Variants in CELF2 observed in about 807,000 individuals in gnomAD.
CELF2 encodes CUG triplet repeat RNA-binding protein 2.
Under a neutral mutation model 62.6 loss-of-function variants are expected in CELF2, and 8 were observed. That is an observed-to-expected ratio of 0.13 (90% confidence interval 0.07 to 0.23). CELF2 has a LOEUF of 0.23. Ranked by LOEUF, CELF2 falls within the 10% of genes least tolerant of loss-of-function variation. The pLI, the probability that CELF2 is intolerant of heterozygous loss-of-function variation, is 1.00. For synonymous variants in CELF2, 258 were observed against 250.0 expected (o/e 1.03, Z -0.30); for missense variants, 333 against 671.0 (o/e 0.50, Z 5.56).
intron 2 of CELF2, among the ~76,000 whole-genome samples, chr10:11,169,515 C>T (rs1404556183): frequency 6.6e-6 from 1 of 152,118 alleles, no homozygotes; most frequent in Non-Finnish European, 1.5e-5. Context: ...TTTCTGGGAA[C>T]TGTGAATTCT....
At chr10:10,469,141 C>A in the CELF2 span, among the ~76,000 whole-genome samples, 3 of 151,834 alleles carry the variant, frequency 2.0e-5, no homozygotes, top group Admixed American at 6.6e-5. Context: ...CTATAATATA[C>A]AAATATTATT....
chr10:10,716,649 A>G, the CELF2 span, among the ~76,000 whole-genome samples: 1 of 152,208 alleles, frequency 6.6e-6, no homozygotes, highest in South Asian at 2.1e-4. Flanking sequence ...TAATGCAACT[A>G]TCAGTTTATG....
At chr10:10,808,260 A>G (rs568291224) in intron 1 of CELF2, among the ~76,000 whole-genome samples, 1 of 152,338 alleles carries the variant, frequency 6.6e-6, no homozygotes, top group South Asian at 2.1e-4. Flanking sequence ...GGCATTGACA[A>G]ATTTCTAGGA....
the CELF2 span, among the ~76,000 whole-genome samples, chr10:10,747,868 G>A: frequency 6.6e-6 from 1 of 152,280 alleles, no homozygotes; most frequent in South Asian, 2.1e-4. Context: ...CACCACGCCT[G>A]GCTAATTTAT....
At chr10:10,775,871 G>T in the CELF2 span, among the ~76,000 whole-genome samples, 2 of 152,290 alleles carry the variant, frequency 1.3e-5, no homozygotes, top group South Asian at 2.1e-4. Flanking sequence ...TTCCTAACAC[G>T]ATGCCCTTTC....
At chr10:10,958,922 A>G (rs2049184684) in intron 2 of CELF2, among the ~76,000 whole-genome samples, 1 of 152,088 alleles carries the variant, frequency 6.6e-6, no homozygotes, top group South Asian at 2.1e-4. Flanking sequence ...TTTGGTTGAC[A>G]TTTACAAGAT....
At chr10:10,923,384 A>AAGGGTGG (rs1228631988) in intron 2 of CELF2, among the ~76,000 whole-genome samples, 1 of 152,212 alleles carries the variant, frequency 6.6e-6, no homozygotes, top group Non-Finnish European at 1.5e-5. Context: ...CGGGTTGCAT[A>AAGGGTGG]AGGGTGGAGT....
chr10:11,153,555 C>T (rs1304817354), intron 1 of CELF2, among the ~76,000 whole-genome samples: 2 of 152,164 alleles, frequency 1.3e-5, no homozygotes, highest in African/African-American at 4.8e-5. Context: ...AGGAGTAACT[C>T]TCTTGTGTCA....
chr10:10,941,021 C>T lies in CELF2; in HGVS notation c.89+21022C>T, dbSNP rs555338890. ...TATAGTCAGGGTGATCTTTTATCTT[C>T]TTCACGGGGTCCTGAGTGATGTTGT... On this transcript the variant is annotated intron_variant, in intron 2 of 13. Coordinates refer to the CELF2 transcript ENST00000636488. Among the ~76,000 whole-genome samples, 63 of 152,238 alleles carry T rather than the reference C, an allele frequency of 4.1e-4. 1 individual carries two copies. Among genetic ancestry groups the T allele is most frequent in the African/African-American group, 1.5e-3 (62 of 41,548 alleles).
At chr10:11,077,875 C>T (rs2762546) in intron 1 of CELF2, among the ~76,000 whole-genome samples, 50,066 of 151,996 alleles carry the variant, frequency 0.33, 9,015 homozygotes, top group African/African-American at 0.44. Flanking sequence ...ACAAAGACAG[C>T]AGTCTTTCAA....
At chr10:11,169,367 G>A (rs1439693844) in intron 2 of CELF2, 1 of 152,230 alleles carries the variant, frequency 6.6e-6, no homozygotes, top group African/African-American at 2.4e-5. Context: ...ATAAGTCGCA[G>A]CTTATGGGAG....
At chr10:11,277,873 C>T (rs1270492741) in intron 8 of CELF2, among the ~76,000 whole-genome samples, 1 of 152,190 alleles carries the variant, frequency 6.6e-6, no homozygotes, top group Non-Finnish European at 1.5e-5. Flanking sequence ...ATAAACAATT[C>T]ACATGTAATT....
chr10:10,613,969 G>C, the CELF2 span, among the ~76,000 whole-genome samples: 1 of 152,102 alleles, frequency 6.6e-6, no homozygotes, highest in African/African-American at 2.4e-5. Flanking sequence ...TGCCCTCAAT[G>C]TCTATAATTT....
chr10:11,054,435 A>T (rs1412158396), intron 1 of CELF2, among the ~76,000 whole-genome samples: 1 of 151,984 alleles, frequency 6.6e-6, no homozygotes, highest in East Asian at 1.9e-4. Context: ...TAAAAAATCT[A>T]TCATCAGTTT....
chr10:10,821,278 A>G (rs1314360732), intron 1 of CELF2, among the ~76,000 whole-genome samples: 1 of 152,056 alleles, frequency 6.6e-6, no homozygotes, highest in Non-Finnish European at 1.5e-5. Flanking sequence ...GGCTGGAGAA[A>G]TCTTTCTAGA....
the CELF2 span, among the ~76,000 whole-genome samples, chr10:10,760,553 G>C: frequency 6.6e-6 from 1 of 152,208 alleles, no homozygotes; most frequent in East Asian, 1.9e-4. Context: ...GCATTAAATA[G>C]AATTACAGAA....
intron 3 of CELF2, among the ~76,000 whole-genome samples, chr10:11,233,178 C>T (rs1279439065): frequency 6.6e-6 from 1 of 152,142 alleles, no homozygotes; most frequent in Non-Finnish European, 1.5e-5. Flanking sequence ...CAGATTGGGC[C>T]TGGGCTACAG....
At chr10:11,213,719 G>C (rs1319801821) in intron 2 of CELF2, among the ~76,000 whole-genome samples, 1 of 152,176 alleles carries the variant, frequency 6.6e-6, no homozygotes, top group African/African-American at 2.4e-5. Flanking sequence ...CTACAGTCCT[G>C]CTGGGGAAAA....
At chr10:10,726,352 A>T in the CELF2 span, among the ~76,000 whole-genome samples, 7 of 152,132 alleles carry the variant, frequency 4.6e-5, no homozygotes, top group East Asian at 7.7e-4. Flanking sequence ...GCTTCTCTTG[A>T]TCCTCTGGCT....
Sources: gnomAD v4.1 joint callset for allele counts (sites outside exome capture counted in the v4.1 genomes callset) on GRCh38, gnomAD v4.1.1 for gene constraint, MANE v1.5 for transcripts, NCBI Gene and HGNC (gene_info 2026-07-23, HGNC 2026-07-21) for gene names.